The following PACRG variants were observed in gnomAD, a reference collection of about 807,000 sequenced individuals.
PACRG encodes parkin coregulated gene protein.
A neutral mutation model predicts 29.7 loss-of-function variants in PACRG; 29 were observed. The observed-to-expected ratio is 0.98, with a 90% CI of 0.73 to 1.33. PACRG has a LOEUF of 1.33. Ranked by LOEUF, PACRG falls within the 40% of genes most tolerant of loss-of-function variation. PACRG has a pLI of 0.00. For missense variants in PACRG, 279 were observed against 316.2 expected (o/e 0.88, Z 0.89); for synonymous variants, 116 against 118.7 (o/e 0.98, Z 0.15).
chr6:162,859,797 A>AT (rs1791704203), intron 2 of PACRG, among the ~76,000 whole-genome samples: 1 of 151,988 alleles, frequency 6.6e-6, no homozygotes, highest in Non-Finnish European at 1.5e-5. Context: ...ACAACTGTAC[A>AT]TTTTTCCTGG....
intron 2 of PACRG, among the ~76,000 whole-genome samples, chr6:162,936,296 C>T (rs1012433178): frequency 5.9e-5 from 9 of 152,222 alleles, no homozygotes; most frequent in East Asian, 5.8e-4. Context: ...GGGGACACAG[C>T]GAAACTCTAT....
At chr6:162,829,048 C>A (rs1367559344) in intron 2 of PACRG, among the ~76,000 whole-genome samples, 1 of 152,242 alleles carries the variant, frequency 6.6e-6, no homozygotes, top group Non-Finnish European at 1.5e-5. Flanking sequence ...GTGAAAAGTA[C>A]TTTTCACATT....
At chr6:163,203,273 T>C (rs1780779324) in intron 4 of PACRG, among the ~76,000 whole-genome samples, 1 of 151,972 alleles carries the variant, frequency 6.6e-6, no homozygotes, top group South Asian at 2.1e-4. Context: ...TTTAGCCGGG[T>C]GTGGTGACAT....
At chr6:162,923,647 T>C (rs1797222163) in intron 2 of PACRG, among the ~76,000 whole-genome samples, 1 of 152,260 alleles carries the variant, frequency 6.6e-6, no homozygotes, top group South Asian at 2.1e-4. Context: ...GGCATCTTTG[T>C]TGAAAATTAG....
At chr6:162,729,600 A>C (rs901289217) in intron 1 of PACRG, among the ~76,000 whole-genome samples, 1 of 152,146 alleles carries the variant, frequency 6.6e-6, no homozygotes, top group African/African-American at 2.4e-5. Context: ...TGGTTCTCCT[A>C]GGAGTCAAGA....
intron 4 of PACRG, among the ~76,000 whole-genome samples, chr6:163,223,165 G>A (rs1280362928): frequency 4.6e-5 from 7 of 152,148 alleles, no homozygotes; most frequent in East Asian, 1.9e-4. Flanking sequence ...GGGCCGAGGC[G>A]GGTGAATCAC....
At chr6:162,889,812 A>G (rs970129277) in intron 2 of PACRG, among the ~76,000 whole-genome samples, 2 of 152,250 alleles carry the variant, frequency 1.3e-5, no homozygotes, top group Non-Finnish European at 2.9e-5. Context: ...CTTCATACTC[A>G]TTAAATGAAG....
At position 162,946,904 on chromosome 6, in the gene PACRG, A is replaced by C. The variant is rs372667696; in HGVS notation, c.292-115246A>C. Among the ~76,000 whole-genome samples, 18 of 152,290 alleles carry C rather than the reference A, an allele frequency of 1.2e-4. No homozygotes were observed. The East Asian group carries it at 2.9e-3, about 24-fold the overall frequency. On this transcript the variant is annotated intron_variant, in intron 2 of 4. Transcript: ENST00000366888. ...ATGATCATCTCAATAGATGTAGAAGAAGCATTGGATAAAATTCAACAACTT... is the reference window on the plus strand; with the variant it reads ...ATGATCATCTCAATAGATGTAGAAGCAGCATTGGATAAAATTCAACAACTT...
At chr6:162,988,494 C>T (rs1431740040) in intron 2 of PACRG, among the ~76,000 whole-genome samples, 1 of 152,158 alleles carries the variant, frequency 6.6e-6, no homozygotes, top group Non-Finnish European at 1.5e-5. Context: ...GGTATGAAAA[C>T]AGCCACATAG....
At chr6:162,966,739 G>C (rs1294033243) in intron 2 of PACRG, among the ~76,000 whole-genome samples, 2 of 150,316 alleles carry the variant, frequency 1.3e-5, no homozygotes, top group Non-Finnish European at 3.0e-5. Flanking sequence ...CCCTCCCAAA[G>C]TGCTGGGATT....
intron 2 of PACRG, among the ~76,000 whole-genome samples, chr6:162,852,165 C>T (rs925252559): frequency 6.6e-6 from 1 of 152,174 alleles, no homozygotes; most frequent in African/African-American, 2.4e-5. Flanking sequence ...GACTCTAGAA[C>T]CCAGGGCTTG....
chr6:162,896,161 AT>A (rs1584691257), intron 2 of PACRG, among the ~76,000 whole-genome samples: 1 of 152,200 alleles, frequency 6.6e-6, no homozygotes, highest in East Asian at 1.9e-4. Context: ...TCACATGGCC[AT>A]GTGTTCTTGT....
chr6:163,268,192 G>C (rs1783603418), intron 4 of PACRG, among the ~76,000 whole-genome samples: 1 of 151,892 alleles, frequency 6.6e-6, no homozygotes. Context: ...CAAGGTCAGG[G>C]GATTGAGACC....
chr6:163,084,981 C>T (rs918263665), intron 3 of PACRG, among the ~76,000 whole-genome samples: 5 of 149,648 alleles, frequency 3.3e-5, no homozygotes, highest in African/African-American at 7.4e-5. Context: ...TTGCAACCTT[C>T]GGCGGGCACA....
intron 2 of PACRG, among the ~76,000 whole-genome samples, chr6:162,955,535 G>A (rs375772080): frequency 1.5e-4 from 23 of 152,236 alleles, no homozygotes; most frequent in African/African-American, 1.7e-4. Flanking sequence ...TCCTGACCTC[G>A]TTATCCACCC....
intron 2 of PACRG, among the ~76,000 whole-genome samples, chr6:162,906,044 G>C (rs1484037606): frequency 6.6e-6 from 1 of 151,756 alleles, no homozygotes; most frequent in Non-Finnish European, 1.5e-5. Flanking sequence ...CAGAAAAAAA[G>C]GGGGGGAAAG....
intron 2 of PACRG, among the ~76,000 whole-genome samples, chr6:162,968,322 T>C (rs1801222839): frequency 6.6e-6 from 1 of 152,238 alleles, no homozygotes. Flanking sequence ...GCCTAAAATT[T>C]ATTTTTTGAA....
chr6:163,170,107 TTCAA>T, intron 4 of PACRG, among the ~76,000 whole-genome samples: 1 of 152,170 alleles, frequency 6.6e-6, no homozygotes, highest in Non-Finnish European at 1.5e-5. Flanking sequence ...AAGTCAGGGC[TTCAA>T]CATAGGAATT....
At chr6:163,169,490 G>C (rs552873567) in intron 4 of PACRG, among the ~76,000 whole-genome samples, 62 of 152,350 alleles carry the variant, frequency 4.1e-4, no homozygotes, top group African/African-American at 1.3e-3. Flanking sequence ...GTTGGGAATA[G>C]CCATGGAGCT....
Sources: allele counts gnomAD v4.1 joint callset (sites outside exome capture counted in the v4.1 genomes callset), GRCh38; gene constraint gnomAD v4.1.1; transcripts MANE v1.5; gene names NCBI Gene and HGNC (gene_info 2026-07-23, HGNC 2026-07-21).